CTBP2: variants seen among roughly 807,000 people sequenced by gnomAD.
CTBP2 encodes the protein C-terminal binding protein 2.
In CTBP2, 30 loss-of-function variants were observed where a neutral mutation model predicts 80.3. The ratio of observed to expected loss-of-function variants is 0.37; its 90% CI spans 0.28 to 0.51. CTBP2 has a LOEUF of 0.51. Among genes scored for constraint, CTBP2 ranks in the 20% least tolerant of loss-of-function variants. CTBP2 has a pLI of 0.93. For synonymous variants in CTBP2, 594 were observed against 587.4 expected, an observed-to-expected ratio of 1.01 and a Z score of -0.16; for missense variants, 1,212 against 1,375.3, an observed-to-expected ratio of 0.88 and a Z score of 1.88.
intron 2 of CTBP2, among the ~76,000 whole-genome samples, chr10:125,083,602 G>T (rs1422316247): frequency 6.6e-6 from 1 of 152,154 alleles, no homozygotes; most frequent in Non-Finnish European, 1.5e-5. Flanking sequence ...TTGCACCTTA[G>T]TCCGAACAAG....
chr10:125,007,730 G>A (rs1472121928), intron 1 of CTBP2, among the ~76,000 whole-genome samples: 3 of 152,198 alleles, frequency 2.0e-5, no homozygotes, highest in Non-Finnish European at 4.4e-5. Flanking sequence ...CAGTGTTTCT[G>A]AGACCCATTT....
chr10:125,112,107 C>CTTTTT (rs59148637), intron 1 of CTBP2, among the ~76,000 whole-genome samples: 1 of 123,756 alleles, frequency 8.1e-6, no homozygotes. Context: ...CTGCATTTGA[C>CTTTTT]TTTTTTTTTT....
At chr10:125,037,440 A>G (rs2134950251) in intron 3 of CTBP2, among the ~76,000 whole-genome samples, 1 of 152,310 alleles carries the variant, frequency 6.6e-6, no homozygotes, top group South Asian at 2.1e-4. Flanking sequence ...GTACTCAGTA[A>G]CCTCAATCAA....
chr10:125,113,444 C>T (rs761072987), intron 1 of CTBP2, among the ~76,000 whole-genome samples: 12 of 152,166 alleles, frequency 7.9e-5, no homozygotes, highest in Non-Finnish European at 1.6e-4. Flanking sequence ...AGTAGGGAAT[C>T]AAATATTTAA....
chr10:125,126,924 T>TTCTCTCTCTCTCTC (rs67378138), intron 1 of CTBP2, among the ~76,000 whole-genome samples: 2 of 138,562 alleles, frequency 1.4e-5, no homozygotes, highest in Admixed American at 7.1e-5. Context: ...CACACACACA[T>TTCTCTCTCTCTCTC]TCTCTCTCTC....
At chr10:125,115,832 G>C (rs1209927634) in intron 1 of CTBP2, among the ~76,000 whole-genome samples, 1 of 151,936 alleles carries the variant, frequency 6.6e-6, no homozygotes, top group Non-Finnish European at 1.5e-5. Context: ...GCTCAGAAAA[G>C]AGGGATTGCG....
At chr10:125,159,327 CG>C (rs1861521906) in intron 1 of CTBP2, among the ~76,000 whole-genome samples, 2 of 132,890 alleles carry the variant, frequency 1.5e-5, no homozygotes, top group East Asian at 2.5e-4. Context: ...GGGAGGCGGG[CG>C]GGCCGGGCTC....
In CTBP2 at chr10:125,152,923, A is replaced by AC. The variant is rs956680513; in HGVS notation, c.-206+7395dup. ...GGAAAAAACTTTAAGATTATTGGTCACCCCCCACTGGGAAGAAAACACAGT... is the reference window on the plus strand; with the variant it reads ...GGAAAAAACTTTAAGATTATTGGTCACCCCCCCACTGGGAAGAAAACACAGT... On this transcript the variant is annotated intron_variant, in intron 1 of 10. Coordinates refer to the CTBP2 transcript ENST00000337195. Among the ~76,000 whole-genome samples the AC allele has an allele frequency of 3.3e-5, 5 of 152,210 alleles. No homozygotes were observed. The East Asian group carries it at 7.7e-4, about 24-fold the overall frequency.
chr10:125,088,818 C>T (rs1334565770), intron 2 of CTBP2, among the ~76,000 whole-genome samples: 1 of 152,234 alleles, frequency 6.6e-6, no homozygotes, highest in Non-Finnish European at 1.5e-5. Context: ...CACCTGCCTT[C>T]AAGAACTGCA....
chr10:125,128,933 C>T (rs1004736664), intron 1 of CTBP2, among the ~76,000 whole-genome samples: 2 of 152,116 alleles, frequency 1.3e-5, no homozygotes, highest in Admixed American at 6.5e-5. Flanking sequence ...AAAGAAACTG[C>T]GGTCGAGTCA....
At chr10:125,001,731 C>T (rs1954537186) in intron 3 of CTBP2, among the ~76,000 whole-genome samples, 1 of 152,198 alleles carries the variant, frequency 6.6e-6, no homozygotes, top group African/African-American at 2.4e-5. Flanking sequence ...CGGGCAGCTC[C>T]CTGCTCGCCC....
At chr10:125,025,961 G>A (rs975982517) in intron 1 of CTBP2, 47 of 1,241,200 alleles carry the variant, frequency 3.8e-5, no homozygotes, top group Non-Finnish European at 5.0e-5. Context: ...CTTGTTTGGT[G>A]GTGTGTGTGT....
intron 1 of CTBP2, among the ~76,000 whole-genome samples, chr10:125,131,575 C>T (rs1011490523): frequency 5.9e-5 from 9 of 152,138 alleles, no homozygotes; most frequent in Non-Finnish European, 1.2e-4. Context: ...GGGGCAGCGG[C>T]GGGTTGGAAC....
chr10:125,054,043 C>G (rs908009998), intron 2 of CTBP2, among the ~76,000 whole-genome samples: 2 of 152,078 alleles, frequency 1.3e-5, no homozygotes, highest in Non-Finnish European at 2.9e-5. Flanking sequence ...CAGTAGAGGG[C>G]CATGAATTGA....
intron 1 of CTBP2, among the ~76,000 whole-genome samples, chr10:125,017,984 C>T (rs1956662988): frequency 6.6e-6 from 1 of 152,226 alleles, no homozygotes; most frequent in South Asian, 2.1e-4. Flanking sequence ...AGAGCCCAGC[C>T]ACTTTGTCCT....
chr10:124,998,313 G>T, intron 3 of CTBP2, 143 bp from the exon 6 acceptor site: 2 of 877,612 alleles, frequency 2.3e-6, no homozygotes, highest in Non-Finnish European at 3.5e-6. Context: ...GCGGGGCTGG[G>T]CACGTGGGCG....
intron 8 of CTBP2, among the ~76,000 whole-genome samples, chr10:124,991,218 G>C (rs1952566467): frequency 6.6e-6 from 1 of 152,220 alleles, no homozygotes; most frequent in Non-Finnish European, 1.5e-5. Flanking sequence ...CATCCATCCA[G>C]GTAGAGGAGG....
At chr10:125,102,596 G>A (rs1424229332) in intron 2 of CTBP2, among the ~76,000 whole-genome samples, 11 of 152,212 alleles carry the variant, frequency 7.2e-5, no homozygotes, top group Admixed American at 7.2e-4. Context: ...TCATGGTTTA[G>A]AGGTCATCTT....
Position 125,027,509 on chromosome 10 carries a change from C to T in CTBP2, c.251G>A (p.Gly84Glu), listed in dbSNP as rs765776499. The T allele has an allele frequency of 5.6e-6, 9 of 1,613,934 alleles. No homozygotes were observed. The African/African-American group carries it at 8.0e-5, about 14-fold the overall frequency. Residue 84 changes from glycine to glutamate, a missense_variant, in exon 1 of 9, where the codon GGG becomes GAG. By Grantham distance (98) the Gly-to-Glu change is moderately conservative (BLOSUM62 -2). This residue lies in a region of CTBP2 where 848 missense variants were observed against 782.3 expected (regional missense o/e 1.08). Transcript: ENST00000309035. ...GTAGAAGGTGAAGTCAGGAGTAGAC[C>T]CCTTTCTTGCAGCCACTGAGTTATA...
Sources: allele counts gnomAD v4.1 joint callset (sites outside exome capture counted in the v4.1 genomes callset), GRCh38; gene constraint gnomAD v4.1.1; regional missense constraint gnomAD v4.1.1; transcripts MANE v1.5; gene names NCBI Gene and HGNC (gene_info 2026-07-23, HGNC 2026-07-21).